RELN: variants seen among roughly 807,000 people sequenced by gnomAD.
The protein encoded by RELN is reelin.
Under a neutral mutation model 427.6 loss-of-function variants are expected in RELN, and 108 were observed. That is an observed-to-expected ratio of 0.25 (90% CI 0.22 to 0.30). The LOEUF (loss-of-function observed/expected upper bound fraction) is 0.30. RELN is among the 10% of genes least tolerant of loss of function. The pLI is 1.00. For missense variants in RELN, 3,715 were observed against 4,302.8 expected (o/e 0.86, Z 3.82); for synonymous variants, 1,524 against 1,513.4 (o/e 1.01, Z -0.16).
chr7:103,666,503 T>C (rs1455698371), intron 11 of RELN, among the ~76,000 whole-genome samples: 1 of 152,248 alleles, frequency 6.6e-6, no homozygotes, highest in Admixed American at 6.5e-5. Context: ...TCAATTGGAA[T>C]GCACTTATTC....
chr7:103,598,214 A>C (rs1831584067), intron 24 of RELN, among the ~76,000 whole-genome samples: 1 of 152,232 alleles, frequency 6.6e-6, no homozygotes, highest in African/African-American at 2.4e-5. Flanking sequence ...TAGCAAAATG[A>C]GAACTGAAGT....
intron 2 of RELN, among the ~76,000 whole-genome samples, chr7:103,902,887 C>G (rs1405062573): frequency 6.6e-6 from 1 of 152,104 alleles, no homozygotes; most frequent in Non-Finnish European, 1.5e-5. Flanking sequence ...ACTTTCACTA[C>G]TTTAAAAAAT....
intron 5 of RELN, among the ~76,000 whole-genome samples, chr7:103,752,561 C>A (rs968827214): frequency 9.9e-5 from 15 of 151,450 alleles, no homozygotes; most frequent in Admixed American, 9.9e-4. Context: ...GGTGCACAAC[C>A]ACCACACTGA....
At chr7:103,647,233 A>G (rs969435352) in intron 16 of RELN, among the ~76,000 whole-genome samples, 1 of 152,112 alleles carries the variant, frequency 6.6e-6, no homozygotes, top group Non-Finnish European at 1.5e-5. Flanking sequence ...ACAAAGAAAT[A>G]AAAGGCACCC....
chr7:103,490,874 A>G (rs1157458525), intron 58 of RELN, 45 bp from the exon 59 acceptor site: 1 of 1,597,892 alleles, frequency 6.3e-7, no homozygotes, highest in Admixed American at 1.7e-5. Context: ...TAAGAGAAAC[A>G]TATAATCTGT....
intron 2 of RELN, among the ~76,000 whole-genome samples, chr7:103,840,243 A>G (rs115886810): frequency 4.7e-4 from 72 of 152,362 alleles, no homozygotes; most frequent in African/African-American, 1.6e-3. Context: ...CAGCAAGTGT[A>G]CGAAGTAGCC....
intron 46 of RELN, among the ~76,000 whole-genome samples, chr7:103,533,981 G>T (rs558772473): frequency 6.6e-6 from 1 of 151,994 alleles, no homozygotes; most frequent in Admixed American, 6.6e-5. Context: ...AAAATCTCAC[G>T]TATCTCATTT....
intron 6 of RELN, among the ~76,000 whole-genome samples, chr7:103,736,035 G>A (rs1790483804): frequency 6.6e-6 from 1 of 152,198 alleles, no homozygotes; most frequent in Non-Finnish European, 1.5e-5. Flanking sequence ...CCCAGGTACG[G>A]ATCACACTGC....
intron 15 of RELN, 57 bp downstream of exon 15, chr7:103,651,603 AT>A: frequency 1.3e-6 from 2 of 1,561,032 alleles, no homozygotes; most frequent in Non-Finnish European, 1.8e-6. Context: ...TAACTCATTG[AT>A]TTTTATTCTG....
At chr7:103,671,014 A>T (rs891271990) in intron 11 of RELN, among the ~76,000 whole-genome samples, 6 of 152,086 alleles carry the variant, frequency 3.9e-5, no homozygotes, top group Non-Finnish European at 8.8e-5. Flanking sequence ...ATCTCATATA[A>T]ATTCTCTGAG....
chr7:103,728,733 G>C (rs1247991892), intron 6 of RELN, among the ~76,000 whole-genome samples: 1 of 151,988 alleles, frequency 6.6e-6, no homozygotes, highest in Non-Finnish European at 1.5e-5. Flanking sequence ...ATTTTTCTTT[G>C]GAGTTATGGT....
chr7:103,651,346 A>AT (rs1429890002), intron 15 of RELN, among the ~76,000 whole-genome samples: 2 of 151,980 alleles, frequency 1.3e-5, no homozygotes, highest in African/African-American at 4.8e-5. Flanking sequence ...ACTTTCTTCC[A>AT]TTTTTTCTAT....
chr7:103,977,826 G>T (rs74723728), intron 1 of RELN, among the ~76,000 whole-genome samples: 1 of 152,132 alleles, frequency 6.6e-6, no homozygotes, highest in Non-Finnish European at 1.5e-5. Flanking sequence ...GGCAAGCAGA[G>T]TACCCTGACA....
intron 1 of RELN, among the ~76,000 whole-genome samples, chr7:103,952,281 A>G (rs1039852783): frequency 2.0e-5 from 3 of 152,214 alleles, no homozygotes; most frequent in Non-Finnish European, 4.4e-5. Flanking sequence ...GTCACCCTTC[A>G]GTCTACCAAG....
intron 22 of RELN, among the ~76,000 whole-genome samples, chr7:103,605,627 A>T (rs1831800409): frequency 6.6e-6 from 1 of 152,222 alleles, no homozygotes; most frequent in Non-Finnish European, 1.5e-5. Flanking sequence ...AAAGAAACAA[A>T]ACATGATTTG....
At chr7:103,644,106 G>T (rs1562937243) in intron 16 of RELN, among the ~76,000 whole-genome samples, 1 of 150,808 alleles carries the variant, frequency 6.6e-6, no homozygotes, top group Non-Finnish European at 1.5e-5. Flanking sequence ...ATCCTCAAGA[G>T]AAAAAAAATT....
In RELN at chr7:103,834,411, C is replaced by T. The variant is rs111780650; in HGVS notation, c.338-739G>A. Among the ~76,000 whole-genome samples, 708 of 152,226 alleles carry T rather than the reference C, an allele frequency of 4.7e-3. 6 individuals are homozygous for T. Among genetic ancestry groups the T allele is most frequent in the African/African-American group, 0.016 (682 of 41,520 alleles). On this transcript the variant is annotated intron_variant, in intron 2 of 64. Coordinates refer to ENST00000428762, the MANE Select transcript of RELN (RefSeq NM_005045.4). ...TGGTCTTGTTTTTGCCTCATAACAT[C>T]ACAGTTGTAAAGTGGTCTTGTCTAA...
At position 103,920,318 on chromosome 7, in the gene RELN, T is replaced by C. The variant is rs550228652; in HGVS notation, c.227-3133A>G. Reference sequence around the variant, plus strand: ...GGGATAATTGGACAAATTTTTTATATTCGAACTACTTTTAAGAAAAGTAAC... The same window carrying C: ...GGGATAATTGGACAAATTTTTTATACTCGAACTACTTTTAAGAAAAGTAAC... On this transcript the variant is annotated intron_variant, in intron 1 of 64. Coordinates refer to ENST00000428762, the MANE Select transcript of RELN (RefSeq NM_005045.4). Among the ~76,000 whole-genome samples, 4 of 152,278 alleles carry C rather than the reference T, an allele frequency of 2.6e-5. No homozygotes were observed. In the East Asian group the frequency reaches 5.8e-4, roughly 22 times the overall value.
At chr7:103,897,938 T>G (rs1171492282) in intron 2 of RELN, among the ~76,000 whole-genome samples, 2 of 152,134 alleles carry the variant, frequency 1.3e-5, no homozygotes, top group Non-Finnish European at 2.9e-5. Flanking sequence ...GCCTACTTCC[T>G]CCCTATTGGA....
Sources: gnomAD v4.1 joint callset for allele counts (sites outside exome capture counted in the v4.1 genomes callset) on GRCh38, gnomAD v4.1.1 for gene constraint, MANE v1.5 for transcripts, NCBI Gene and HGNC (gene_info 2026-07-23, HGNC 2026-07-21) for gene names.